DEPTOR: variants seen among roughly 807,000 people sequenced by gnomAD.
DEPTOR encodes the protein DEP domain containing MTOR interacting protein, also known as DEP domain-containing mTOR-interacting protein.
In DEPTOR, 41 loss-of-function variants were observed where a neutral mutation model predicts 41.6. The ratio of observed to expected loss-of-function variants is 0.98; its 90% CI spans 0.77 to 1.28. DEPTOR has a LOEUF of 1.28. Ranked by LOEUF, DEPTOR falls within the 50% of genes most tolerant of loss-of-function variation. The probability of loss-of-function intolerance (pLI) is 0.00; values close to 1 mark genes in which losing one functional copy is unlikely to be tolerated. For synonymous variants in DEPTOR, 195 were observed against 192.3 expected (o/e 1.01, Z -0.12); for missense variants, 514 against 527.9 (o/e 0.97, Z 0.26).
At chr8:119,975,750 C>T (rs1828689083) in intron 4 of DEPTOR, among the ~76,000 whole-genome samples, 1 of 151,894 alleles carries the variant, frequency 6.6e-6, no homozygotes, top group South Asian at 2.1e-4. Context: ...AAAGAGGGCT[C>T]AAAGGAGCCT....
chr8:119,962,086 C>CAAAAAAAAAA (rs772605916), intron 3 of DEPTOR, among the ~76,000 whole-genome samples: 15 of 47,972 alleles, frequency 3.1e-4, no homozygotes, highest in South Asian at 8.0e-4. Context: ...ACTAAAAATA[C>CAAAAAAAAAA]AAAAAAAAAA....
At position 120,006,854 on chromosome 8, in the gene DEPTOR, G is replaced by T. The variant is rs375515870; in HGVS notation, c.975G>T (p.Pro325=). The T allele has an allele frequency of 3.7e-6, 6 of 1,614,028 alleles. No homozygotes were observed. In the African/African-American group the frequency reaches 5.3e-5, roughly 14 times the overall value. ...TSEELLTPGA[P]YARKTFTIVG... ...AGGAACTCCTTACTCCCGGGGCTCC[G>T]TATGCAAGGAAGACATTCACGGTAG... Residue 325 remains proline (P), a synonymous_variant, in exon 7 of 9, where the codon CCG becomes CCT. Coordinates refer to ENST00000286234, the MANE Select transcript of DEPTOR (RefSeq NM_022783.4).
chr8:119,909,328 C>A lies in DEPTOR; in HGVS notation c.123-19072C>A, dbSNP rs527319832. 1.2e-4 allele frequency among the ~76,000 whole-genome samples: 18 copies of A among 152,278 alleles called. No homozygotes were observed. In the South Asian group the frequency reaches 3.7e-3, roughly 32 times the overall value. On this transcript the variant is annotated intron_variant, in intron 1 of 8. Transcript: ENST00000286234. ...GAATGCGACAGATAACTGATGAAATCTTTAGTTACCTAGCTATCTTTAGAA... is the reference window on the plus strand; with the variant it reads ...GAATGCGACAGATAACTGATGAAATATTTAGTTACCTAGCTATCTTTAGAA...
intron 7 of DEPTOR, among the ~76,000 whole-genome samples, chr8:120,008,109 G>T (rs1049298178): frequency 6.6e-6 from 1 of 152,152 alleles, no homozygotes; most frequent in Non-Finnish European, 1.5e-5. Context: ...TATAGAAAAG[G>T]CCTTCTCTAA....
At chr8:119,962,090 A>G (rs1828500238) in intron 3 of DEPTOR, among the ~76,000 whole-genome samples, 1 of 139,864 alleles carries the variant, frequency 7.1e-6, no homozygotes, top group African/African-American at 2.7e-5. Flanking sequence ...AAAATACAAA[A>G]AAAAAAAAAA....
At chr8:119,981,333 T>C (rs751458052) in intron 4 of DEPTOR, among the ~76,000 whole-genome samples, 9 of 152,232 alleles carry the variant, frequency 5.9e-5, no homozygotes, top group Non-Finnish European at 1.0e-4. Flanking sequence ...CCGTTTTTAC[T>C]TTACCTTTGA....
intron 7 of DEPTOR, 122 bp downstream of exon 7, chr8:120,006,997 A>G: frequency 1.0e-6 from 1 of 976,534 alleles, no homozygotes; most frequent in Non-Finnish European, 1.5e-6. Context: ...TTTTGTTTTT[A>G]GCGTAATTAT....
At position 119,873,876 on chromosome 8, in the gene DEPTOR, T is replaced by A. The variant is rs1827196665; in HGVS notation, c.30T>A (p.Ala10=). Residue 10 remains alanine, a synonymous_variant, in exon 1 of 9, where the codon GCT becomes GCA. Transcript: ENST00000286234. MEEGGSTGS[A]GSDSSTSGSG... ...AGGAGGGCGGCAGCACTGGCAGTGCTGGCAGTGACAGCAGCACCAGCGGGA... is the reference window on the plus strand; with the variant it reads ...AGGAGGGCGGCAGCACTGGCAGTGCAGGCAGTGACAGCAGCACCAGCGGGA... 6.2e-7 allele frequency: 1 copy of A among 1,613,366 alleles called. No homozygotes were observed. The highest frequency in any genetic ancestry group is 1.1e-5 in the South Asian group (1 of 91,060).
intron 8 of DEPTOR, among the ~76,000 whole-genome samples, chr8:120,025,479 G>T (rs1210049422): frequency 1.3e-5 from 2 of 152,106 alleles, no homozygotes; most frequent in Non-Finnish European, 2.9e-5. Context: ...GAAAACATTT[G>T]TTTGGCAGAG....
At chr8:119,903,295 G>T (rs1015260642) in intron 1 of DEPTOR, among the ~76,000 whole-genome samples, 1 of 151,870 alleles carries the variant, frequency 6.6e-6, no homozygotes, top group Non-Finnish European at 1.5e-5. Flanking sequence ...ATGGGGTTTC[G>T]CCATGTTAGC....
intron 3 of DEPTOR, among the ~76,000 whole-genome samples, chr8:119,946,264 G>T (rs574369740): frequency 6.6e-6 from 1 of 151,954 alleles, no homozygotes. Flanking sequence ...AAGAAAATCT[G>T]AATAACATTT....
intron 4 of DEPTOR, among the ~76,000 whole-genome samples, chr8:119,976,092 C>T (rs1828693856): frequency 6.6e-6 from 1 of 151,770 alleles, no homozygotes; most frequent in Non-Finnish European, 1.5e-5. Context: ...GAACTCCTGA[C>T]CTCAGGCAAT....
At chr8:119,975,643 T>C (rs1336060911) in intron 4 of DEPTOR, among the ~76,000 whole-genome samples, 2 of 152,054 alleles carry the variant, frequency 1.3e-5, no homozygotes, top group African/African-American at 2.4e-5. Flanking sequence ...TACTGACTTA[T>C]CAGGGTTATT....
intron 8 of DEPTOR, among the ~76,000 whole-genome samples, chr8:120,039,733 T>G (rs1813031674): frequency 6.6e-6 from 1 of 152,220 alleles, no homozygotes; most frequent in African/African-American, 2.4e-5. Flanking sequence ...GGTTCTAAAC[T>G]TAGTCATTTT....
chr8:119,997,609 T>C (rs1354709417), intron 4 of DEPTOR, among the ~76,000 whole-genome samples: 2 of 152,176 alleles, frequency 1.3e-5, no homozygotes, highest in East Asian at 3.8e-4. Flanking sequence ...CTTTATTCAT[T>C]TGGCCAAAGT....
intron 8 of DEPTOR, among the ~76,000 whole-genome samples, chr8:120,029,039 C>T (rs1812845647): frequency 6.7e-6 from 1 of 150,044 alleles, no homozygotes; most frequent in Non-Finnish European, 1.5e-5. Flanking sequence ...CGCCATTGCA[C>T]TCCAGCCTGG....
At chr8:119,928,239 C>G (rs893855173) in intron 1 of DEPTOR, among the ~76,000 whole-genome samples, 161 bp from the exon 2 acceptor site, 3 of 152,034 alleles carry the variant, frequency 2.0e-5, no homozygotes, top group African/African-American at 7.2e-5. Context: ...CTTTCTGGAG[C>G]CTTTGAACTC....
At chr8:120,006,705 C>A in intron 6 of DEPTOR, 100 bp from the exon 7 acceptor site, 1 of 1,024,642 alleles carries the variant, frequency 9.8e-7, no homozygotes, top group Non-Finnish European at 1.5e-6. Flanking sequence ...GCCACTTTTT[C>A]TCACTGATGG....
intron 8 of DEPTOR, among the ~76,000 whole-genome samples, chr8:120,037,207 T>C (rs1338053861): frequency 1.3e-5 from 2 of 152,188 alleles, no homozygotes; most frequent in East Asian, 3.8e-4. Flanking sequence ...TAACATTCAG[T>C]GGTAGTAAAC....
Sources: allele counts gnomAD v4.1 joint callset (sites outside exome capture counted in the v4.1 genomes callset), GRCh38; gene constraint gnomAD v4.1.1; transcripts MANE v1.5; gene names NCBI Gene and HGNC (gene_info 2026-07-23, HGNC 2026-07-21).